Variants in CPLANE1 observed in about 807,000 individuals in gnomAD.
The protein encoded by CPLANE1 is ciliogenesis and planar polarity effector 1.
CPLANE1 carries 263 observed loss-of-function variants against 362.5 expected under a neutral mutation model. The observed-to-expected ratio is 0.73, with a 90% CI of 0.66 to 0.80. The LOEUF (loss-of-function observed/expected upper bound fraction) is 0.80, where lower values mean the gene tolerates loss of function less well. CPLANE1 is among the 30% of genes least tolerant of loss of function. The pLI, the probability that CPLANE1 is intolerant of heterozygous loss-of-function variation, is 0.00. For missense variants in CPLANE1, 3,461 were observed against 3,793.4 expected (o/e 0.91, Z 2.30); for synonymous variants, 1,212 against 1,302.6 (o/e 0.93, Z 1.50).
rs1561478540 is a variant in CPLANE1 at position 37,169,453 on chromosome 5, G to C, written c.6571C>G (p.Pro2191Ala). The change falls in exon 34 of 53, where the codon CCT (proline) becomes GCT (alanine). Residue 2191 changes from proline to alanine, a missense_variant. Pro to Ala is a conservative substitution (Grantham distance 27, BLOSUM62 -1). Around this residue, in one of 2 missense-constraint regions of CPLANE1, gnomAD observed 3,380 missense variants for 3,666.1 expected, o/e 0.92. Coordinates refer to ENST00000651892, the MANE Select transcript of CPLANE1 (RefSeq NM_001384732.1). ...AGGTAGAGGTGAGTATTTCCAGCAG[G>C]AGCTGGATAAAACGAAGTGGATGGT... ...NLPSTSFYPA[P>A]AGNTHLYLLS... 2 of 1,614,134 alleles carry C rather than the reference G, an allele frequency of 1.2e-6. No individual in the cohort carries two copies. Among genetic ancestry groups the C allele is most frequent in the Admixed American group, 1.7e-5 (1 of 60,028 alleles).
intron 8 of CPLANE1, among the ~76,000 whole-genome samples, chr5:37,232,561 G>A (rs1797953160): frequency 6.6e-6 from 1 of 151,074 alleles, no homozygotes. Flanking sequence ...TCTCGGCCAG[G>A]TGCAGTGGCT....
intron 44 of CPLANE1, chr5:37,140,437 A>C (rs1769324903): frequency 1.0e-6 from 1 of 985,020 alleles, no homozygotes; most frequent in Non-Finnish European, 1.2e-6. Flanking sequence ...CAACTAATTC[A>C]ATTTAACTAA....
chr5:37,144,397 T>TAAAA (rs1176016655), intron 43 of CPLANE1, among the ~76,000 whole-genome samples: 14 of 67,482 alleles, frequency 2.1e-4, no homozygotes, highest in East Asian at 3.9e-4. Context: ...AGACTTTGTC[T>TAAAA]AAAAAAAAAA....
chr5:37,226,995 C>A lies in CPLANE1; in HGVS notation c.1600G>T (p.Val534Leu). Residue 534 changes from valine to leucine, a missense_variant, in exon 12 of 53, where the codon GTG (valine) becomes TTG (leucine). Val to Leu is a conservative substitution (Grantham distance 32). Transcript: ENST00000651892. ...CCTTCCTTCATACTACTACACAGCA[C>A]ATCATCTCTTTTGTTCCAAAAAGGA... ...LCPFWNKRDD[V>L]LCSSMKEGRL... The A allele has an allele frequency of 6.4e-7, 1 of 1,551,326 alleles. No homozygotes were observed. The highest frequency in any genetic ancestry group is 8.7e-7 in the Non-Finnish European group (1 of 1,146,862).
chr5:37,154,108 C>G (rs1774341570), intron 41 of CPLANE1, 115 bp from the exon 42 acceptor site: 1 of 867,306 alleles, frequency 1.2e-6, no homozygotes, highest in Admixed American at 3.1e-5. Flanking sequence ...CTTTCCAAAT[C>G]AGTTTTAATT....
chr5:37,117,642 T>C (rs988569157), intron 50 of CPLANE1, among the ~76,000 whole-genome samples: 2 of 152,044 alleles, frequency 1.3e-5, no homozygotes, highest in Admixed American at 1.3e-4. Flanking sequence ...ACAGGTTCTA[T>C]GGGGAAAGGA....
chr5:37,080,047 T>G, the CPLANE1 span, among the ~76,000 whole-genome samples: 1 of 152,244 alleles, frequency 6.6e-6, no homozygotes, highest in African/African-American at 2.4e-5. Context: ...GTCTTGAAGA[T>G]GAGCGGATAT....
In CPLANE1 at chr5:37,180,870, G is replaced by T. The variant is rs766699868; in HGVS notation, c.5557C>A (p.Gln1853Lys). 3.7e-6 allele frequency: 6 copies of T among 1,613,680 alleles called. No individual in the cohort carries two copies. The highest frequency in any genetic ancestry group is 5.1e-6 in the Non-Finnish European group (6 of 1,179,878). The change falls in exon 27 of 53, where the codon CAA becomes AAA. Residue 1853 changes from glutamine (Q) to lysine (K), a missense_variant. Coordinates refer to ENST00000651892, the MANE Select transcript of CPLANE1 (RefSeq NM_001384732.1). ...EERNGQNKSC[Q>K]NILNRMPTEA... ...TCGGCAACTTACTTCAAGATATTTT[G>T]ACAAGATTTATTCTGACCATTTCTT...
intron 45 of CPLANE1, among the ~76,000 whole-genome samples, 196 bp downstream of exon 45, chr5:37,139,144 T>C (rs952882937): frequency 9.9e-5 from 15 of 152,196 alleles, no homozygotes; most frequent in African/African-American, 3.4e-4. Context: ...TATTGAATTC[T>C]AACTACTTGT....
chr5:37,092,263 T>C, the CPLANE1 span, among the ~76,000 whole-genome samples: 1 of 152,192 alleles, frequency 6.6e-6, no homozygotes, highest in East Asian at 1.9e-4. Context: ...TAACACTACA[T>C]ATCACTCCAC....
chr5:37,245,099 C>T (rs1025385438), intron 4 of CPLANE1, among the ~76,000 whole-genome samples: 1 of 151,196 alleles, frequency 6.6e-6, no homozygotes, highest in African/African-American at 2.4e-5. Context: ...AGCTGAGATC[C>T]CACCACTGCA....
In CPLANE1 at chr5:37,206,375, C is replaced by T. The variant is rs1238203196; in HGVS notation, c.2971G>A (p.Val991Ile). Residue 991 changes from valine (V) to isoleucine (I), a missense_variant, in exon 17 of 53, where the codon GTT (valine) becomes ATT (isoleucine). This residue lies in a region of CPLANE1 where 3,380 missense variants were observed against 3,666.1 expected (regional missense o/e 0.92). Transcript: ENST00000651892. ...PLQHSKVASV[V>I]RDQNLSNVWT... ...ACATTAGAGAGATTCTGATCTCTAA[C>T]AACACTGGCCACCTTAGAGTGTTGC... The T allele has an allele frequency of 1.3e-6, 2 of 1,551,676 alleles. No homozygotes were observed. Among genetic ancestry groups the T allele is most frequent in the South Asian group, 2.4e-5 (2 of 84,060 alleles).
chr5:37,154,791 T>C (rs1414816986), intron 41 of CPLANE1, among the ~76,000 whole-genome samples: 2 of 152,136 alleles, frequency 1.3e-5, no homozygotes, highest in Non-Finnish European at 2.9e-5. Context: ...ATCCCAAATC[T>C]ATATGGCACT....
intron 21 of CPLANE1, among the ~76,000 whole-genome samples, chr5:37,193,076 G>C (rs1378574679): frequency 6.7e-6 from 1 of 149,508 alleles, no homozygotes; most frequent in Admixed American, 6.7e-5. Context: ...CTGAGGCGGA[G>C]AATTGCTTGA....
intron 18 of CPLANE1, 102 bp from the exon 19 acceptor site, chr5:37,201,910 AATGAAC>A: frequency 1.4e-6 from 1 of 729,992 alleles, no homozygotes; most frequent in South Asian, 1.9e-5. Context: ...CATTGTCAAG[AATGAAC>A]ACATTGGTTG....
At chr5:37,130,922 A>G (rs946881292) in intron 46 of CPLANE1, among the ~76,000 whole-genome samples, 1 of 152,246 alleles carries the variant, frequency 6.6e-6, no homozygotes, top group South Asian at 2.1e-4. Context: ...GTGCTAAAAC[A>G]GAAGGCACTT....
At position 37,225,293 on chromosome 5, in the gene CPLANE1, C is replaced by G. The variant is rs568568667; in HGVS notation, c.2292-553G>C. On this transcript the variant is annotated intron_variant, in intron 12 of 52. Coordinates refer to ENST00000651892, the MANE Select transcript of CPLANE1 (RefSeq NM_001384732.1). ...CTTTTCAGGCAAGGTCTCCTCCTGT[C>G]GCCCATGCTGGAATGCAGTGGCGTG... Among the ~76,000 whole-genome samples the G allele has an allele frequency of 2.0e-5, 3 of 151,914 alleles. No homozygotes were observed. The South Asian group carries it at 6.2e-4, about 32-fold the overall frequency.
At chr5:37,144,542 A>C (rs1321547079) in intron 43 of CPLANE1, among the ~76,000 whole-genome samples, 1 of 151,470 alleles carries the variant, frequency 6.6e-6, no homozygotes, top group Non-Finnish European at 1.5e-5. Context: ...TTGCCTACAT[A>C]TTTACATTAT....
intron 12 of CPLANE1, among the ~76,000 whole-genome samples, chr5:37,225,574 G>A (rs1009012313): frequency 4.6e-5 from 7 of 151,980 alleles, no homozygotes; most frequent in East Asian, 1.9e-4. Context: ...CATTTTGGCC[G>A]GGCGTGGTGG....
Sources: allele counts gnomAD v4.1 joint callset (sites outside exome capture counted in the v4.1 genomes callset), GRCh38; gene constraint gnomAD v4.1.1; regional missense constraint gnomAD v4.1.1; transcripts MANE v1.5; gene names NCBI Gene and HGNC (gene_info 2026-07-23, HGNC 2026-07-21).